The following TWIST2 variants were observed in gnomAD, a reference collection of about 807,000 sequenced individuals.
TWIST2 encodes twist-related protein 2.
Under a neutral mutation model 11.6 loss-of-function variants are expected in TWIST2, and 1 was observed. That is an observed-to-expected ratio of 0.09 (90% CI 0.03 to 0.41). The LOEUF (loss-of-function observed/expected upper bound fraction) is 0.41. TWIST2 is among the 10% of genes least tolerant of loss of function. The pLI is 0.98. For missense variants in TWIST2, 168 were observed against 226.4 expected (o/e 0.74, Z 1.66); for synonymous variants, 87 against 96.6 (o/e 0.90, Z 0.58).
chr2:238,885,534 G>A (rs147484059), intron 1 of TWIST2, among the ~76,000 whole-genome samples: 184 of 152,260 alleles, frequency 1.2e-3, no homozygotes, highest in African/African-American at 4.4e-3. Flanking sequence ...ACACTGCACC[G>A]TACCAGTGTC....
chr2:238,875,020 T>C (rs1015226930), intron 1 of TWIST2, among the ~76,000 whole-genome samples: 4 of 152,138 alleles, frequency 2.6e-5, no homozygotes, highest in Non-Finnish European at 4.4e-5. Flanking sequence ...GGAAGCTGGC[T>C]GGAGGGTTTG....
intron 1 of TWIST2, among the ~76,000 whole-genome samples, chr2:238,896,235 G>T (rs916391773): frequency 6.6e-6 from 1 of 152,182 alleles, no homozygotes; most frequent in Non-Finnish European, 1.5e-5. Flanking sequence ...GACGGCGAAC[G>T]CCCCATGTGT....
chr2:238,866,040 G>T lies in TWIST2; in HGVS notation c.*35+17307G>T, dbSNP rs763945905. On this transcript the variant is annotated intron_variant, in intron 1 of 1. Transcript: ENST00000612363. This position sits in a 1 kb window ranked among gnomAD's most constrained non-coding sequence, Gnocchi z 4.9. The stretch of plus-strand genomic sequence containing the variant: ...TCCCAGTCACTGATCTGACTCCGTC[G>T]CTTAACCTGTTAATGGAATAGCATG... Among the ~76,000 whole-genome samples the T allele has an allele frequency of 6.6e-6, 1 of 152,100 alleles. No individual in the cohort carries two copies.
chr2:238,889,027 G>A (rs1281012673), intron 1 of TWIST2, among the ~76,000 whole-genome samples: 3 of 152,170 alleles, frequency 2.0e-5, no homozygotes, highest in African/African-American at 7.2e-5. Flanking sequence ...TCATCCTTGG[G>A]TCTGTCCTGG....
chr2:238,888,094 G>A lies in TWIST2; in HGVS notation c.*36-21748G>A, dbSNP rs534361232. Among the ~76,000 whole-genome samples the A allele has an allele frequency of 5.6e-4, 86 of 152,322 alleles. 2 individuals carry two copies. The Middle Eastern group carries it at 0.017, about 30-fold the overall frequency. On this transcript the variant is annotated intron_variant, in intron 1 of 1. Coordinates refer to ENST00000612363, the MANE Select transcript of TWIST2 (RefSeq NM_001271893.4). ...TCAAGTTTTTTACAAATCACAAAAT[G>A]TTCCCAAGGTGTAACCATAGCTTCA...
At chr2:238,875,468 T>G (rs1692787238) in intron 1 of TWIST2, among the ~76,000 whole-genome samples, 1 of 152,154 alleles carries the variant, frequency 6.6e-6, no homozygotes, top group Non-Finnish European at 1.5e-5. Context: ...AATTTAGAAG[T>G]CCATGTGATG....
chr2:238,872,128 TG>T (rs550627683), intron 1 of TWIST2, among the ~76,000 whole-genome samples: 1 of 152,158 alleles, frequency 6.6e-6, no homozygotes, highest in East Asian at 1.9e-4. Flanking sequence ...ACTCCTGGGC[TG>T]GGGGGGTCCC....
chr2:238,881,458 AGTGT>A (rs1246328458), intron 1 of TWIST2, among the ~76,000 whole-genome samples: 2 of 151,530 alleles, frequency 1.3e-5, no homozygotes, highest in Non-Finnish European at 2.9e-5. Flanking sequence ...TATTAGTGTT[AGTGT>A]GAGTATTAGT....
intron 1 of TWIST2, among the ~76,000 whole-genome samples, chr2:238,856,285 T>G (rs147235397): frequency 2.0e-4 from 31 of 152,350 alleles, no homozygotes; most frequent in African/African-American, 7.0e-4. Context: ...TTCCAAAACT[T>G]TCTTTCAGAC....
At chr2:238,905,924 TGC>T (rs1468232462) in intron 1 of TWIST2, among the ~76,000 whole-genome samples, 8 of 92,634 alleles carry the variant, frequency 8.6e-5, no homozygotes, top group African/African-American at 3.8e-4. Context: ...CGTGCAGGTG[TGC>T]GTGTGCGCGT....
At chr2:238,898,292 G>A (rs1427458640) in intron 1 of TWIST2, among the ~76,000 whole-genome samples, 1 of 152,224 alleles carries the variant, frequency 6.6e-6, no homozygotes, top group African/African-American at 2.4e-5. Flanking sequence ...CACAGGAGAT[G>A]AATGACAAGG....
intron 1 of TWIST2, among the ~76,000 whole-genome samples, chr2:238,854,173 G>A (rs1692290742): frequency 6.6e-6 from 1 of 152,184 alleles, no homozygotes; most frequent in South Asian, 2.1e-4. Context: ...GTTGAACTCA[G>A]AAGAGCTTTC....
chr2:238,893,600 A>G (rs1177270158), intron 1 of TWIST2, among the ~76,000 whole-genome samples: 1 of 152,194 alleles, frequency 6.6e-6, no homozygotes, highest in African/African-American at 2.4e-5. Context: ...CCTGCCTCTC[A>G]AAGCCTCCGT....
intron 1 of TWIST2, among the ~76,000 whole-genome samples, chr2:238,890,774 G>T (rs1203276813): frequency 1.3e-5 from 2 of 152,128 alleles, no homozygotes; most frequent in African/African-American, 2.4e-5. Context: ...GTCTTCTGGG[G>T]CAGGGGGATT....
chr2:238,862,179 T>C (rs958635737), intron 1 of TWIST2, among the ~76,000 whole-genome samples: 1 of 149,700 alleles, frequency 6.7e-6, no homozygotes, highest in Non-Finnish European at 1.5e-5. Flanking sequence ...TTTCCGACCA[T>C]CTGCTTCCAA....
At chr2:238,893,438 C>T (rs1227523193) in intron 1 of TWIST2, among the ~76,000 whole-genome samples, 3 of 152,166 alleles carry the variant, frequency 2.0e-5, no homozygotes, top group Non-Finnish European at 4.4e-5. Flanking sequence ...TCAAGGGAGA[C>T]AGTCCCAGAA....
Position 238,882,664 on chromosome 2 carries a change from A to T in TWIST2, c.*36-27178A>T, listed in dbSNP as rs1186465350. ...CCAGGAGTTAATGATCTGTAAAAACACTTAAATTCATGGGGAAAACTCCTT... is the reference window on the plus strand; with the variant it reads ...CCAGGAGTTAATGATCTGTAAAAACTCTTAAATTCATGGGGAAAACTCCTT... On this transcript the variant is annotated intron_variant, in intron 1 of 1. Coordinates refer to ENST00000612363, the MANE Select transcript of TWIST2 (RefSeq NM_001271893.4). 2.0e-5 allele frequency among the ~76,000 whole-genome samples: 3 copies of T among 152,300 alleles called. No individual in the cohort carries two copies. In the South Asian group the frequency reaches 6.2e-4, roughly 32 times the overall value.
chr2:238,852,557 G>A (rs1056915917), intron 1 of TWIST2, among the ~76,000 whole-genome samples: 8 of 152,178 alleles, frequency 5.3e-5, no homozygotes, highest in African/African-American at 2.4e-5. Flanking sequence ...GCTTTCAAAC[G>A]TAAAGGCAAG....
chr2:238,872,394 C>T (rs1234816561), intron 1 of TWIST2, among the ~76,000 whole-genome samples: 3 of 152,178 alleles, frequency 2.0e-5, no homozygotes, highest in African/African-American at 7.2e-5. Context: ...GGGCTTCCAG[C>T]ACGTTCTACT....
Sources: gnomAD v4.1 joint callset for allele counts (sites outside exome capture counted in the v4.1 genomes callset) on GRCh38, gnomAD v4.1.1 for gene constraint, Gnocchi (gnomAD v3.1) non-coding constraint, MANE v1.5 for transcripts, NCBI Gene and HGNC (gene_info 2026-07-23, HGNC 2026-07-21) for gene names.